GRXCR2: variants seen among roughly 807,000 people sequenced by gnomAD.
GRXCR2 encodes the protein glutaredoxin domain-containing cysteine-rich protein 2.
A neutral mutation model predicts 24.8 loss-of-function variants in GRXCR2; 23 were observed. That is an observed-to-expected ratio of 0.93 (90% confidence interval 0.67 to 1.32). GRXCR2 has a LOEUF of 1.32. GRXCR2 is among the 40% of genes most tolerant of loss of function. The probability of loss-of-function intolerance (pLI) is 0.00; values close to 1 mark genes in which losing one functional copy is unlikely to be tolerated. For missense variants in GRXCR2, 315 were observed against 303.4 expected (o/e 1.04, Z -0.28); for synonymous variants, 130 against 116.1 (o/e 1.12, Z -0.77).
At chr5:145,919,114 C>T (rs1302706734) in intron 2 of GRXCR2, among the ~76,000 whole-genome samples, 1 of 152,172 alleles carries the variant, frequency 6.6e-6, no homozygotes, top group Non-Finnish European at 1.5e-5. Flanking sequence ...CTTGCACTGT[C>T]CCTGTCTCCT....
intron 2 of GRXCR2, among the ~76,000 whole-genome samples, chr5:145,929,433 A>G (rs927098716): frequency 6.6e-6 from 1 of 152,004 alleles, no homozygotes; most frequent in African/African-American, 2.4e-5. Flanking sequence ...TCATTTTGAA[A>G]TAATTACAGA....
intron 2 of GRXCR2, among the ~76,000 whole-genome samples, chr5:145,896,895 G>C (rs952574992): frequency 6.6e-5 from 10 of 151,946 alleles, no homozygotes; most frequent in Non-Finnish European, 8.8e-5. Flanking sequence ...AAATGTCCAA[G>C]AATGATAGAC....
chr5:145,873,287 A>T (rs757692704), upstream of GRXCR2, among the ~76,000 whole-genome samples: 1 of 152,204 alleles, frequency 6.6e-6, no homozygotes, highest in Admixed American at 6.5e-5. Context: ...TTTAGACTGA[A>T]CATGTGCCAA....
chr5:145,926,109 A>T (rs1019249030), intron 2 of GRXCR2, among the ~76,000 whole-genome samples: 1 of 152,176 alleles, frequency 6.6e-6, no homozygotes, highest in Admixed American at 6.5e-5. Flanking sequence ...ATCAGAAAGG[A>T]AACAGTGAAA....
chr5:145,889,179 AGAAAGAAAGAAAG>A (rs1756822906), intron 2 of GRXCR2, among the ~76,000 whole-genome samples: 1 of 102,144 alleles, frequency 9.8e-6, no homozygotes, highest in African/African-American at 4.0e-5. Flanking sequence ...AAAAAAAGAA[AGAAAGAAAGAAAG>A]AAAGAAAGAA....
intron 2 of GRXCR2, among the ~76,000 whole-genome samples, chr5:145,906,243 A>G (rs1757088808): frequency 6.6e-6 from 1 of 152,002 alleles, no homozygotes; most frequent in African/African-American, 2.4e-5. Flanking sequence ...CGACTGGCCA[A>G]GGGGAGTATT....
At chr5:145,892,704 C>G (rs1385751220) in intron 2 of GRXCR2, among the ~76,000 whole-genome samples, 1 of 152,184 alleles carries the variant, frequency 6.6e-6, no homozygotes, top group South Asian at 2.1e-4. Context: ...TTGGAAAACA[C>G]TCTGCAGGAT....
In GRXCR2 at chr5:145,871,010, G is replaced by A. The variant is rs536670512; in HGVS notation, c.336+1623C>T. On this transcript the variant is annotated intron_variant, in intron 1 of 2. Coordinates refer to ENST00000377976, the MANE Select transcript of GRXCR2 (RefSeq NM_001080516.2). The stretch of plus-strand genomic sequence containing the variant: ...CCCTTGAGCCCAGGAGTTTGAGATT[G>A]CTGTGAGTTATGATCATACCACTGC... Among the ~76,000 whole-genome samples, 261 of 152,158 alleles carry A rather than the reference G, an allele frequency of 1.7e-3. 2 individuals are homozygous for A. The highest frequency in any genetic ancestry group is 2.6e-3 in the Non-Finnish European group (177 of 68,002).
chr5:145,900,955 C>T (rs902204518), intron 2 of GRXCR2, among the ~76,000 whole-genome samples: 39 of 152,188 alleles, frequency 2.6e-4, no homozygotes, highest in African/African-American at 9.2e-4. Flanking sequence ...GAACACTATG[C>T]AGCCATAAAA....
rs367764757 is a variant in GRXCR2 at position 145,883,120 on chromosome 5, A to G, written c.-69-16392T>C. On this transcript the variant is annotated intron_variant, in intron 2 of 3. Transcript: ENST00000639411. Reference sequence around the variant, plus strand: ...AAACCAACATGGCACATGTATACATATGTATCAAACCTGCATGTTGTGCAC... The same window carrying G: ...AAACCAACATGGCACATGTATACATGTGTATCAAACCTGCATGTTGTGCAC... Among the ~76,000 whole-genome samples, 86 of 152,100 alleles carry G rather than the reference A, an allele frequency of 5.7e-4. 3 individuals carry two copies. The South Asian group carries it at 0.016, about 29-fold the overall frequency.
At chr5:145,891,442 G>A (rs1039023016) in intron 2 of GRXCR2, among the ~76,000 whole-genome samples, 24 of 152,182 alleles carry the variant, frequency 1.6e-4, no homozygotes, top group Admixed American at 1.6e-3. Context: ...CCCTAATACT[G>A]TACTTTTCCA....
chr5:145,908,350 A>C (rs887920462), intron 2 of GRXCR2, among the ~76,000 whole-genome samples: 2 of 152,128 alleles, frequency 1.3e-5, no homozygotes, highest in African/African-American at 2.4e-5. Flanking sequence ...CCTCAAGAAA[A>C]TCTGGAAATT....
intron 1 of GRXCR2, among the ~76,000 whole-genome samples, chr5:145,872,182 A>G (rs550266412): frequency 6.6e-6 from 1 of 152,336 alleles, no homozygotes; most frequent in East Asian, 1.9e-4. Context: ...CAGTATGAGG[A>G]AGGCAATAGG....
At chr5:145,897,327 A>G (rs1191636577) in intron 2 of GRXCR2, among the ~76,000 whole-genome samples, 1 of 150,524 alleles carries the variant, frequency 6.6e-6, no homozygotes, top group Non-Finnish European at 1.5e-5. Flanking sequence ...AAGTATAATA[A>G]AAAAAAAAAC....
At chr5:145,914,868 G>A (rs1757214350) in intron 2 of GRXCR2, among the ~76,000 whole-genome samples, 1 of 152,132 alleles carries the variant, frequency 6.6e-6, no homozygotes. Flanking sequence ...CAGAGGCAAA[G>A]TCAGGCCACC....
Position 145,859,153 on chromosome 5 carries a change from G to A in GRXCR2, c.*580C>T, listed in dbSNP as rs1364209760. On this transcript the variant is annotated 3_prime_UTR_variant, in exon 3 of 3. Transcript: ENST00000377976. ...TATTATCCAAACACACCACATGGAA[G>A]AGGTTCAGGACTTTGAAAGGGAAGG... 6.5e-6 allele frequency: 1 copy of A among 153,520 alleles called. No homozygotes were observed. The highest frequency in any genetic ancestry group is 1.5e-5 in the Non-Finnish European group (1 of 68,892). The allele number at this position is 153,520 out of a possible 1,614,324, so 9.5% of individuals were successfully genotyped here.
chr5:145,860,030 T>A, intron 2 of GRXCR2, 115 bp from the exon 3 acceptor site: 1 of 765,368 alleles, frequency 1.3e-6, no homozygotes, highest in Non-Finnish European at 2.0e-6. Flanking sequence ...AGGAAAATGC[T>A]TCCCACGAAT....
At chr5:145,895,662 C>A (rs1355473694) in intron 2 of GRXCR2, among the ~76,000 whole-genome samples, 1 of 152,186 alleles carries the variant, frequency 6.6e-6, no homozygotes, top group Admixed American at 6.5e-5. Context: ...ACATTCCCTG[C>A]TCATGGGTAG....
intron 2 of GRXCR2, among the ~76,000 whole-genome samples, chr5:145,878,329 A>C (rs1274154813): frequency 1.3e-5 from 2 of 152,230 alleles, no homozygotes; most frequent in East Asian, 1.9e-4. Flanking sequence ...TAACTAGAAT[A>C]AACAGTGTAG....
Sources: allele counts gnomAD v4.1 joint callset (sites outside exome capture counted in the v4.1 genomes callset), GRCh38; gene constraint gnomAD v4.1.1; transcripts MANE v1.5; gene names NCBI Gene and HGNC (gene_info 2026-07-23, HGNC 2026-07-21).